The following PRUNE2 variants were observed in gnomAD, a reference collection of about 807,000 sequenced individuals.
PRUNE2 encodes protein prune homolog 2.
PRUNE2 carries 164 observed loss-of-function variants against 252.0 expected under a neutral mutation model. The observed-to-expected ratio is 0.65, with a 90% CI of 0.57 to 0.74. The LOEUF is 0.74. Ranked by LOEUF, PRUNE2 falls within the 30% of genes least tolerant of loss-of-function variation. The pLI is 0.00. For synonymous variants in PRUNE2, 1,292 were observed against 1,350.2 expected, an observed-to-expected ratio of 0.96 and a Z score of 0.94; for missense variants, 3,495 against 3,711.0, an observed-to-expected ratio of 0.94 and a Z score of 1.51.
intron 9 of PRUNE2, chr9:76,692,092 G>A: frequency 1.4e-6 from 1 of 717,516 alleles, no homozygotes; most frequent in South Asian, 1.5e-5. Context: ...GATGAGAGGA[G>A]GCTTTCTAAC....
chr9:76,808,069 T>C (rs977047165), intron 6 of PRUNE2, among the ~76,000 whole-genome samples: 2 of 152,088 alleles, frequency 1.3e-5, no homozygotes, highest in Non-Finnish European at 2.9e-5. Flanking sequence ...TCCCAGCTAC[T>C]CGGGAGGCTG....
At chr9:76,822,027 A>G (rs2058062035) in intron 6 of PRUNE2, among the ~76,000 whole-genome samples, 4 of 151,828 alleles carry the variant, frequency 2.6e-5, no homozygotes, top group African/African-American at 9.6e-5. Context: ...AGAGGGGAAC[A>G]GAGAAAGAAA....
chr9:76,659,745 G>A (rs1427992497), intron 9 of PRUNE2, among the ~76,000 whole-genome samples: 2 of 151,938 alleles, frequency 1.3e-5, no homozygotes, highest in Non-Finnish European at 2.9e-5. Context: ...CAGCACTGAA[G>A]AACATGAATT....
intron 6 of PRUNE2, among the ~76,000 whole-genome samples, chr9:76,779,378 C>T (rs889776565): frequency 5.3e-5 from 8 of 152,110 alleles, no homozygotes; most frequent in African/African-American, 1.9e-4. Context: ...CAGTTTCCTT[C>T]CAAAGCCAAC....
chr9:76,735,413 T>C (rs900786508), intron 6 of PRUNE2, among the ~76,000 whole-genome samples: 1 of 124,152 alleles, frequency 8.1e-6, no homozygotes, highest in African/African-American at 3.5e-5. Flanking sequence ...GATAGTTTTC[T>C]TTCTTCTTTT....
At chr9:76,779,093 T>C (rs998670040) in intron 6 of PRUNE2, among the ~76,000 whole-genome samples, 4 of 152,200 alleles carry the variant, frequency 2.6e-5, no homozygotes, top group Non-Finnish European at 5.9e-5. Flanking sequence ...AATAAAGAAC[T>C]TGAGAAGAAC....
chr9:76,782,138 C>T (rs934568026), intron 6 of PRUNE2, among the ~76,000 whole-genome samples: 15 of 151,892 alleles, frequency 9.9e-5, no homozygotes, highest in African/African-American at 2.9e-4. Flanking sequence ...GGCATGAACC[C>T]GGGAGGTGGA....
chr9:76,840,827 A>T (rs1342172531), intron 4 of PRUNE2, among the ~76,000 whole-genome samples: 1 of 152,164 alleles, frequency 6.6e-6, no homozygotes, highest in African/African-American at 2.4e-5. Flanking sequence ...CTAAAAACAC[A>T]AAAATTAGCC....
chr9:76,883,146 C>T (rs143089424), intron 1 of PRUNE2, among the ~76,000 whole-genome samples: 1,841 of 152,286 alleles, frequency 0.012, 35 homozygotes, highest in African/African-American at 0.041. Flanking sequence ...ATTATTTGCT[C>T]ACATTTTAGT....
At chr9:76,842,118 A>C (rs2132369536) in intron 4 of PRUNE2, among the ~76,000 whole-genome samples, 1 of 152,330 alleles carries the variant, frequency 6.6e-6, no homozygotes, top group East Asian at 1.9e-4. Context: ...GTAACCAAAC[A>C]GCCTGGTACT....
At chr9:76,897,390 C>CTATTTTTTTTT (rs1564527202) in intron 1 of PRUNE2, among the ~76,000 whole-genome samples, 1 of 56,252 alleles carries the variant, frequency 1.8e-5, no homozygotes, top group Non-Finnish European at 3.6e-5. Context: ...AGGCAAACCT[C>CTATTTTTTTTT]TTTTTTTTTT....
Position 76,826,622 on chromosome 9 carries a change from C to T in PRUNE2, c.619G>A (p.Asp207Asn), listed in dbSNP as rs770737120. ...EKFPNLPPRE[D>N]IINVLQETQF... ...GTCTCCTGTAGGACGTTGATGATGT[C>T]CTCTCTTGGAGGCAAGTTAGGAAAT... The change falls in exon 5 of 19, where the codon GAC becomes AAC. Residue 207 changes from aspartate (D) to asparagine (N), a missense_variant. Asp to Asn is a conservative substitution (Grantham distance 23, BLOSUM62 1). Transcript: ENST00000376718. 7 of 1,612,272 alleles carry T rather than the reference C, an allele frequency of 4.3e-6. No homozygotes were observed. In the East Asian group the frequency reaches 1.6e-4, roughly 36 times the overall value.
At chr9:76,805,088 C>T (rs1313963945) in intron 6 of PRUNE2, among the ~76,000 whole-genome samples, 1 of 152,188 alleles carries the variant, frequency 6.6e-6, no homozygotes, top group Non-Finnish European at 1.5e-5. Flanking sequence ...CCAAAGTTCT[C>T]ACTTCTGACA....
At chr9:76,905,890 C>T in intron 1 of PRUNE2, 38 bp downstream of exon 1, 2 of 1,613,470 alleles carry the variant, frequency 1.2e-6, no homozygotes, top group Non-Finnish European at 1.7e-6. Flanking sequence ...TTAGCATACG[C>T]GCGCGCGCAC....
chr9:76,829,347 C>T lies in PRUNE2; in HGVS notation c.509-2615G>A, dbSNP rs928618960. 2.2e-4 allele frequency among the ~76,000 whole-genome samples: 33 copies of T among 152,022 alleles called. 1 individual carries two copies. The highest frequency in any genetic ancestry group is 7.7e-4 in the African/African-American group (32 of 41,374). ...GCAAATCTAACAGAAGTTTAACAGCCTATGGAGACAAAAACTAAAGTTTAG... is the reference window on the plus strand; with the variant it reads ...GCAAATCTAACAGAAGTTTAACAGCTTATGGAGACAAAAACTAAAGTTTAG... On this transcript the variant is annotated intron_variant, in intron 4 of 18. Transcript: ENST00000376718.
At chr9:76,837,768 A>G (rs1314656839) in intron 4 of PRUNE2, among the ~76,000 whole-genome samples, 1 of 140,744 alleles carries the variant, frequency 7.1e-6, no homozygotes, top group Non-Finnish European at 1.5e-5. Context: ...TTCAAACCAA[A>G]TACTATTTTT....
intron 6 of PRUNE2, among the ~76,000 whole-genome samples, chr9:76,756,445 G>A (rs1160000683): frequency 2.6e-5 from 4 of 152,204 alleles, no homozygotes; most frequent in African/African-American, 7.2e-5. Flanking sequence ...GCCAGATGGC[G>A]CTGCTTCCCC....
At chr9:76,617,513 GAA>G (rs112685953) in intron 18 of PRUNE2, among the ~76,000 whole-genome samples, 4 of 141,732 alleles carry the variant, frequency 2.8e-5, no homozygotes, top group East Asian at 4.0e-4. Flanking sequence ...CTGGAAGTCA[GAA>G]AAAAAAAAAA....
chr9:76,897,751 T>C (rs2062928533), intron 1 of PRUNE2, among the ~76,000 whole-genome samples: 1 of 152,104 alleles, frequency 6.6e-6, no homozygotes, highest in Admixed American at 6.5e-5. Context: ...GCCTCAGTTT[T>C]GGCAACTGCA....
Sources: allele counts gnomAD v4.1 joint callset (sites outside exome capture counted in the v4.1 genomes callset), GRCh38; gene constraint gnomAD v4.1.1; transcripts MANE v1.5; gene names NCBI Gene and HGNC (gene_info 2026-07-23, HGNC 2026-07-21).